Variants in UMAD1 observed in about 807,000 individuals in gnomAD.
UMAD1 encodes UBAP1-MVB12-associated (UMA) domain containing 1.
In UMAD1, 8 loss-of-function variants were observed where a neutral mutation model predicts 6.1. The ratio of observed to expected loss-of-function variants is 1.30; its 90% CI spans 0.76 to 2.35. UMAD1 has a LOEUF of 2.35. UMAD1 is among the 30% of genes most tolerant of loss of function. The pLI, the probability that UMAD1 is intolerant of heterozygous loss-of-function variation, is 0.00. For missense variants in UMAD1, 130 were observed against 78.4 expected (o/e 1.66, Z -2.49); for synonymous variants, 56 against 31.4 (o/e 1.78, Z -2.61).
At chr7:7,748,818 A>G (rs914011950) in intron 2 of UMAD1, among the ~76,000 whole-genome samples, 1 of 152,016 alleles carries the variant, frequency 6.6e-6, no homozygotes, top group Non-Finnish European at 1.5e-5. Flanking sequence ...AAATTTGGGG[A>G]AAATAATGTA....
chr7:7,782,596 A>G (rs954054769), intron 2 of UMAD1, among the ~76,000 whole-genome samples: 5 of 152,094 alleles, frequency 3.3e-5, no homozygotes, highest in African/African-American at 4.8e-5. Flanking sequence ...TTAATCCTAA[A>G]GATAGTTTTA....
intron 2 of UMAD1, chr7:7,742,385 C>G (rs746818687): frequency 8.5e-6 from 5 of 586,998 alleles, no homozygotes; most frequent in Non-Finnish European, 1.7e-5. Flanking sequence ...GGGCTGCCTC[C>G]GGAGTCGCAG....
chr7:7,706,660 A>C (rs567273461), intron 2 of UMAD1, among the ~76,000 whole-genome samples: 8 of 152,308 alleles, frequency 5.3e-5, no homozygotes, highest in Admixed American at 4.6e-4. Flanking sequence ...AAGAACTCTA[A>C]GAACTTAGTA....
chr7:7,676,825 A>G (rs937567635), intron 2 of UMAD1, among the ~76,000 whole-genome samples: 8 of 152,192 alleles, frequency 5.3e-5, no homozygotes, highest in African/African-American at 1.9e-4. Flanking sequence ...TGACAGATAA[A>G]GATCTTGACA....
intron 2 of UMAD1, among the ~76,000 whole-genome samples, chr7:7,771,434 T>C (rs958124187): frequency 1.3e-5 from 2 of 152,168 alleles, no homozygotes; most frequent in Non-Finnish European, 2.9e-5. Context: ...CAGGATGTTA[T>C]TTTCAGTATA....
chr7:7,642,677 CG>C (rs1271136406), intron 1 of UMAD1, among the ~76,000 whole-genome samples: 3 of 152,020 alleles, frequency 2.0e-5, no homozygotes, highest in African/African-American at 7.2e-5. Flanking sequence ...TATAGCTAGC[CG>C]ATTTGCATAG....
chr7:7,642,306 GA>G (rs987748521), intron 1 of UMAD1, among the ~76,000 whole-genome samples: 10 of 131,044 alleles, frequency 7.6e-5, no homozygotes, highest in African/African-American at 2.2e-4. Flanking sequence ...AGCTAATAAA[GA>G]TTTTTTTTTT....
chr7:7,790,532 G>A (rs1583827171), intron 2 of UMAD1, among the ~76,000 whole-genome samples: 1 of 152,318 alleles, frequency 6.6e-6, no homozygotes, highest in Admixed American at 6.5e-5. Context: ...GCTCCTAATG[G>A]TGATTCACTA....
rs200517572 is a variant in UMAD1 at position 7,713,360 on chromosome 7, AAAAC to A, written c.82+39923_82+39926del. Among the ~76,000 whole-genome samples the A allele has an allele frequency of 8.7e-4, 133 of 152,020 alleles. 2 individuals are homozygous for A. In the East Asian group the frequency reaches 0.014, roughly 16 times the overall value. On this transcript the variant is annotated intron_variant, in intron 2 of 3. Coordinates refer to ENST00000682710, the MANE Select transcript of UMAD1 (RefSeq NM_001302348.2). ...CTCCATCTCAAAACAAAACAAAACA[AAAAC>A]AAACAAACAAACAAATCTAAGTTTA...
In UMAD1 at chr7:7,667,593, T is replaced by C. The variant is rs566272463; in HGVS notation, c.-63-5716T>C. On this transcript the variant is annotated intron_variant, in intron 1 of 3. Transcript: ENST00000682710. ...TTGTCTGGCCTATCCACTTAATGAA[T>C]GTTTATATTATAAAAGTATGAAGTA... 1.8e-4 allele frequency among the ~76,000 whole-genome samples: 27 copies of C among 151,132 alleles called. 1 individual carries two copies. The highest frequency in any genetic ancestry group is 6.4e-4 in the African/African-American group (26 of 40,430).
chr7:7,723,302 G>T (rs970788086), intron 2 of UMAD1, among the ~76,000 whole-genome samples: 6 of 152,206 alleles, frequency 3.9e-5, no homozygotes, highest in Non-Finnish European at 8.8e-5. Flanking sequence ...CATAGAGTTA[G>T]ATCAAGCTGA....
At chr7:7,733,572 A>G (rs556299695) in intron 2 of UMAD1, among the ~76,000 whole-genome samples, 5 of 148,048 alleles carry the variant, frequency 3.4e-5, no homozygotes, top group African/African-American at 1.0e-4. Flanking sequence ...AATATATGGT[A>G]GTTATGACTT....
chr7:7,753,154 ATAG>A (rs1314698596), intron 2 of UMAD1, among the ~76,000 whole-genome samples: 1 of 152,148 alleles, frequency 6.6e-6, no homozygotes, highest in Non-Finnish European at 1.5e-5. Context: ...TTGTGGTTAC[ATAG>A]TAGGTGTATA....
intron 3 of UMAD1, among the ~76,000 whole-genome samples, chr7:7,850,478 C>G (rs1009573937): frequency 1.3e-5 from 2 of 152,098 alleles, no homozygotes; most frequent in Middle Eastern, 6.8e-3. Flanking sequence ...TATCTTTTAT[C>G]TTGAATGTCT....
chr7:7,777,097 G>A (rs1782222932), intron 2 of UMAD1, among the ~76,000 whole-genome samples: 1 of 152,110 alleles, frequency 6.6e-6, no homozygotes, highest in African/African-American at 2.4e-5. Context: ...AAGGTGGTAT[G>A]CAGCTTTTTA....
At chr7:7,693,237 G>A (rs1256791398) in intron 2 of UMAD1, among the ~76,000 whole-genome samples, 1 of 151,978 alleles carries the variant, frequency 6.6e-6, no homozygotes, top group Non-Finnish European at 1.5e-5. Context: ...CTTGTTTCCA[G>A]TATACAATTC....
At chr7:7,726,940 G>T (rs78913892) in intron 2 of UMAD1, among the ~76,000 whole-genome samples, 1,991 of 152,232 alleles carry the variant, frequency 0.013, 35 homozygotes, top group African/African-American at 0.037. Flanking sequence ...GATCCATAGG[G>T]TGTCTGTTAG....
At chr7:7,825,811 A>G (rs1266494011) in intron 3 of UMAD1, among the ~76,000 whole-genome samples, 2 of 152,164 alleles carry the variant, frequency 1.3e-5, no homozygotes, top group East Asian at 1.9e-4. Flanking sequence ...GATTGTGCCT[A>G]TAACGTGTAT....
chr7:7,852,186 C>T (rs146735570), intron 3 of UMAD1, among the ~76,000 whole-genome samples: 189 of 152,268 alleles, frequency 1.2e-3, no homozygotes, highest in Non-Finnish European at 2.0e-3. Context: ...ACCGCAGATA[C>T]GTGGCTTTAT....
Sources: gnomAD v4.1 joint callset for allele counts (sites outside exome capture counted in the v4.1 genomes callset) on GRCh38, gnomAD v4.1.1 for gene constraint, MANE v1.5 for transcripts, NCBI Gene and HGNC (gene_info 2026-07-23, HGNC 2026-07-21) for gene names.